RAPGEF1: variants seen among roughly 807,000 people sequenced by gnomAD.
RAPGEF1 encodes CRK SH3-binding GNRP.
Under a neutral mutation model 143.3 loss-of-function variants are expected in RAPGEF1, and 33 were observed. That is an observed-to-expected ratio of 0.23 (90% CI 0.17 to 0.31). The LOEUF is 0.31. RAPGEF1 is among the 10% of genes least tolerant of loss of function. RAPGEF1 has a pLI of 1.00. For synonymous variants in RAPGEF1, 629 were observed against 676.5 expected (o/e 0.93, Z 1.09); for missense variants, 1,199 against 1,645.4 (o/e 0.73, Z 4.69).
In RAPGEF1 at chr9:131,648,156, G is replaced by A. The variant is rs147144887; in HGVS notation, c.315+1973C>T. Reference sequence around the variant, plus strand: ...TGTAATCCCAGCACTTTGAGAGGATGAGGCGGGCAGATCACTTGAGGTCAG... The same window carrying A: ...TGTAATCCCAGCACTTTGAGAGGATAAGGCGGGCAGATCACTTGAGGTCAG... On this transcript the variant is annotated intron_variant, in intron 3 of 26. Coordinates refer to ENST00000683357, the MANE Select transcript of RAPGEF1 (RefSeq NM_001377935.1). Among the ~76,000 whole-genome samples, 456 of 152,308 alleles carry A rather than the reference G, an allele frequency of 3.0e-3. 4 individuals are homozygous for A. The highest frequency in any genetic ancestry group is 1.0e-2 in the African/African-American group (414 of 41,570).
chr9:131,706,540 G>T (rs886601129), intron 1 of RAPGEF1, among the ~76,000 whole-genome samples: 1 of 152,162 alleles, frequency 6.6e-6, no homozygotes, highest in African/African-American at 2.4e-5. Context: ...AAAGTGCTGG[G>T]ATTACAGGTG....
At chr9:131,663,558 C>T (rs538209276) in intron 1 of RAPGEF1, among the ~76,000 whole-genome samples, 8 of 150,910 alleles carry the variant, frequency 5.3e-5, no homozygotes, top group African/African-American at 4.9e-5. Context: ...GCAGGAGGGA[C>T]GGGACTGGCT....
At chr9:131,710,409 T>A (rs558217639) in intron 1 of RAPGEF1, among the ~76,000 whole-genome samples, 1 of 152,308 alleles carries the variant, frequency 6.6e-6, no homozygotes, top group Admixed American at 6.5e-5. Context: ...CTGGAGAAAG[T>A]GCTACGCTAC....
intron 3 of RAPGEF1, among the ~76,000 whole-genome samples, chr9:131,649,200 A>ATTTTTTTTTTT (rs55813422): frequency 4.6e-5 from 4 of 87,236 alleles, no homozygotes; most frequent in African/African-American, 4.6e-5. Context: ...GCCTGGCTAA[A>ATTTTTTTTTTT]TTTTTTTTTT....
intron 1 of RAPGEF1, among the ~76,000 whole-genome samples, chr9:131,658,661 G>A (rs1031732055): frequency 6.6e-6 from 1 of 152,214 alleles, no homozygotes; most frequent in Non-Finnish European, 1.5e-5. Context: ...TACCGAGAGA[G>A]AAAGAGGATG....
chr9:131,652,693 T>C (rs987531011), intron 1 of RAPGEF1, among the ~76,000 whole-genome samples: 11 of 152,332 alleles, frequency 7.2e-5, no homozygotes, highest in Admixed American at 5.9e-4. Context: ...TGTCATCTCC[T>C]ATGATAACAA....
At chr9:131,707,741 G>A (rs1835181951) in intron 1 of RAPGEF1, among the ~76,000 whole-genome samples, 1 of 152,146 alleles carries the variant, frequency 6.6e-6, no homozygotes, top group Non-Finnish European at 1.5e-5. Flanking sequence ...TTGGAGAAAA[G>A]GCATACAAAT....
Position 131,619,191 on chromosome 9 carries a change from A to C in RAPGEF1, c.1921T>G (p.Ser641Ala), listed in dbSNP as rs752709215. The C allele has an allele frequency of 1.9e-5, 25 of 1,305,580 alleles. No individual in the cohort carries two copies. The highest frequency in any genetic ancestry group is 1.8e-4 in the African/African-American group (12 of 66,028). The allele number at this position is 1,305,580 out of a possible 1,614,324, so 80.9% of individuals were successfully genotyped here. Residue 641 changes from serine to alanine, a missense_variant, in exon 12 of 27, where the codon TCT (serine) becomes GCT (alanine). Ser to Ala is a moderately conservative substitution (Grantham distance 99, BLOSUM62 1). This residue lies in a region of RAPGEF1 where 293 missense variants were observed against 356.2 expected (regional missense o/e 0.82). Coordinates refer to ENST00000683357, the MANE Select transcript of RAPGEF1 (RefSeq NM_001377935.1). ...CAGTGGGAGACAGAGGAGAAGGAAG[A>C]AGCAGCACAGGAGGCCTGCTGGACA... ...KQRQLASCAA[S>A]SFSSVSHCVQ...
chr9:131,591,437 C>T (rs548911297), intron 18 of RAPGEF1, among the ~76,000 whole-genome samples: 1 of 152,308 alleles, frequency 6.6e-6, no homozygotes, highest in East Asian at 1.9e-4. Context: ...GCAGGTCAGC[C>T]TCTTAGGATG....
chr9:131,723,010 A>C (rs1026073091), intron 1 of RAPGEF1, among the ~76,000 whole-genome samples: 1 of 152,240 alleles, frequency 6.6e-6, no homozygotes, highest in African/African-American at 2.4e-5. Context: ...CCTAGCCAAC[A>C]TAGTGAAACC....
At chr9:131,692,209 T>A (rs369939856) in intron 1 of RAPGEF1, among the ~76,000 whole-genome samples, 5 of 152,342 alleles carry the variant, frequency 3.3e-5, no homozygotes, top group East Asian at 3.9e-4. Flanking sequence ...CAGGCCAAGT[T>A]TGACGAGACT....
chr9:131,714,695 T>C (rs1032782964), intron 1 of RAPGEF1, among the ~76,000 whole-genome samples: 1 of 143,166 alleles, frequency 7.0e-6, no homozygotes, highest in Non-Finnish European at 1.5e-5. Context: ...TGGGGTCCTC[T>C]AGACTCTGCC....
chr9:131,614,498 C>T (rs941650463), intron 12 of RAPGEF1, among the ~76,000 whole-genome samples: 1 of 152,134 alleles, frequency 6.6e-6, no homozygotes, highest in African/African-American at 2.4e-5. Context: ...ATGGCTCATC[C>T]TTGGGGATGG....
chr9:131,622,144 C>T (rs372128685), intron 10 of RAPGEF1, 146 bp from the exon 11 acceptor site: 30 of 763,906 alleles, frequency 3.9e-5, no homozygotes, highest in East Asian at 2.4e-4. Flanking sequence ...GAGGACTTTT[C>T]GGGCAATGAA....
chr9:131,721,917 T>C (rs991753463), intron 1 of RAPGEF1, among the ~76,000 whole-genome samples: 1 of 152,240 alleles, frequency 6.6e-6, no homozygotes, highest in South Asian at 2.1e-4. Flanking sequence ...GACTTGAGCA[T>C]CTGTGGATTT....
chr9:131,604,622 G>A (rs555441719), intron 13 of RAPGEF1, among the ~76,000 whole-genome samples: 6 of 152,322 alleles, frequency 3.9e-5, no homozygotes, highest in East Asian at 1.9e-4. Context: ...TATCTTATGC[G>A]TCTGATAAGT....
At chr9:131,666,387 A>ATT (rs111587610) in intron 1 of RAPGEF1, among the ~76,000 whole-genome samples, 4 of 147,872 alleles carry the variant, frequency 2.7e-5, no homozygotes, top group Admixed American at 6.8e-5. Context: ...TTAAAACAAA[A>ATT]TTTTTTTTTT....
Position 131,584,269 on chromosome 9 carries a change from C to A in RAPGEF1, c.3414+42G>T, listed in dbSNP as rs1475446504. The A allele has an allele frequency of 1.3e-6, 2 of 1,538,248 alleles. No homozygotes were observed. Among genetic ancestry groups the A allele is most frequent in the Non-Finnish European group, 1.8e-6 (2 of 1,128,032 alleles). On this transcript the variant is annotated intron_variant, in intron 24 of 26. Transcript: ENST00000683357. The surrounding 1 kb of genome is among the most constrained non-coding windows in gnomAD (Gnocchi z 6.8). ...AGTCGCCTGAGGGCTGGGCGGCCCC[C>A]CTTACCAGCCACCCTCCCGCCCACG... is the stretch of plus-strand genomic sequence containing the variant.
At chr9:131,598,488 C>T (rs1379909391) in intron 15 of RAPGEF1, 178 bp from the exon 16 acceptor site, 1 of 700,346 alleles carries the variant, frequency 1.4e-6, no homozygotes, top group Admixed American at 2.0e-5. Context: ...GCTGTGTGGC[C>T]ATAGGACAGT....
Sources: allele counts gnomAD v4.1 joint callset (sites outside exome capture counted in the v4.1 genomes callset), GRCh38; gene constraint gnomAD v4.1.1; regional missense constraint gnomAD v4.1.1; non-coding constraint Gnocchi (gnomAD v3.1); transcripts MANE v1.5; gene names NCBI Gene and HGNC (gene_info 2026-07-23, HGNC 2026-07-21).